The following EPS8L2 variants were observed in gnomAD, a reference collection of about 807,000 sequenced individuals.
EPS8L2 encodes EPS8 signaling adaptor L2, also known as epidermal growth factor receptor kinase substrate 8-like protein 2.
Under a neutral mutation model 99.4 loss-of-function variants are expected in EPS8L2, and 81 were observed. That is an observed-to-expected ratio of 0.82 (90% CI 0.68 to 0.98). The LOEUF is 0.98. EPS8L2 is among the 50% of genes least tolerant of loss of function. EPS8L2 has a pLI of 0.00. For missense variants in EPS8L2, 1,155 were observed against 968.8 expected (o/e 1.19, Z -2.55); for synonymous variants, 509 against 407.3 (o/e 1.25, Z -3.01).
At chr11:723,642 G>T (rs1225247056) in intron 15 of EPS8L2, among the ~76,000 whole-genome samples, 1 of 152,290 alleles carries the variant, frequency 6.6e-6, no homozygotes, top group African/African-American at 2.4e-5. Flanking sequence ...CACTGAACTT[G>T]AGTGGTTTCA....
chr11:725,778 G>C lies in EPS8L2; in HGVS notation c.1611G>C (p.Gln537His). The change falls in exon 17 of 21, where the codon CAG becomes CAC. Residue 537 changes from glutamine to histidine, a missense_variant. Transcript: ENST00000318562. ...GGAAGCTGCGCAGCCGCAGCGGCCA[G>C]GCGGGGTACGTGCCCTGCAACATCC... Reference protein sequence around the residue: ...QWWKLRSRSGQAGYVPCNILG... With the variant: ...QWWKLRSRSGHAGYVPCNILG... 1 of 1,363,770 alleles carries C rather than the reference G, an allele frequency of 7.3e-7. No homozygotes were observed. The highest frequency in any genetic ancestry group is 2.0e-5 in the South Asian group (1 of 50,472). 84.5% of individuals were successfully genotyped at this position (1,363,770 alleles called of 1,614,324 possible).
At chr11:717,489 G>A (rs950966190) in intron 4 of EPS8L2, among the ~76,000 whole-genome samples, 1 of 152,212 alleles carries the variant, frequency 6.6e-6, no homozygotes, top group African/African-American at 2.4e-5. Flanking sequence ...CAGAGAGGCT[G>A]GGCAGGTGCT....
At chr11:720,449 T>A in intron 5 of EPS8L2, 148 bp from the exon 6 acceptor site, 2 of 1,302,094 alleles carry the variant, frequency 1.5e-6, no homozygotes, top group South Asian at 2.7e-5. Context: ...CTGCGGGGTG[T>A]GTCCCGGGCC....
intron 1 of EPS8L2, chr11:706,563 G>A (rs1298529923): frequency 6.5e-6 from 1 of 152,686 alleles, no homozygotes; most frequent in Non-Finnish European, 1.5e-5. Flanking sequence ...CCAGCGATGG[G>A]TGACTCACCT....
At chr11:720,807 C>T (rs1012510123) in intron 6 of EPS8L2, 23 bp from the exon 7 acceptor site, 6 of 1,543,286 alleles carry the variant, frequency 3.9e-6, no homozygotes, top group Non-Finnish European at 4.4e-6. Context: ...GCCCTCCTGG[C>T]CGCCTGACGC....
chr11:725,701 G>A (rs1423190228), intron 16 of EPS8L2, 27 bp from the exon 17 acceptor site: 5 of 1,313,278 alleles, frequency 3.8e-6, no homozygotes, highest in Admixed American at 4.1e-5. Context: ...CCTGGGTGTG[G>A]GGAGGGGCTG....
intron 3 of EPS8L2, 41 bp from the exon 4 acceptor site, chr11:710,381 G>C: frequency 6.3e-7 from 1 of 1,597,186 alleles, no homozygotes. Flanking sequence ...GAGGCTGTGG[G>C]TCCTGCCCGT....
chr11:721,133 C>T lies in EPS8L2; in HGVS notation c.627C>T (p.Pro209=), dbSNP rs1163281805. The T allele has an allele frequency of 6.5e-7, 1 of 1,536,588 alleles. No individual in the cohort carries two copies. The highest frequency in any genetic ancestry group is 8.7e-7 in the Non-Finnish European group (1 of 1,143,804). ...CTCCCCAGGGCCCGGCGCCCATCCC[C>T]TTCCAGCACCGCGGCGGGGATTCCC... ...LPPPQGPAPI[P]FQHRGGDSPE... is the part of the protein sequence containing the mutation. The change falls in exon 8 of 21, where the codon CCC becomes CCT. Residue 209 remains proline (P), a synonymous_variant. Coordinates refer to ENST00000318562, the MANE Select transcript of EPS8L2 (RefSeq NM_022772.4).
At chr11:725,019 C>G (rs934767179) in intron 16 of EPS8L2, among the ~76,000 whole-genome samples, 190 bp downstream of exon 16, 1 of 152,226 alleles carries the variant, frequency 6.6e-6, no homozygotes, top group Non-Finnish European at 1.5e-5. Flanking sequence ...GTTGGAGGGG[C>G]CTTCCCATCT....
chr11:726,598 C>A, intron 19 of EPS8L2, 21 bp from the exon 20 acceptor site: 1 of 1,539,990 alleles, frequency 6.5e-7, no homozygotes, highest in Non-Finnish European at 8.8e-7. Context: ...GCGGCCCTGA[C>A]GCCCAACTGC....
chr11:715,164 C>T (rs887320191), intron 4 of EPS8L2, among the ~76,000 whole-genome samples: 22 of 152,050 alleles, frequency 1.4e-4, no homozygotes, highest in Non-Finnish European at 2.8e-4. Flanking sequence ...ATGGCGTGAA[C>T]CCCGGAGGCG....
intron 9 of EPS8L2, 77 bp from the exon 10 acceptor site, chr11:721,488 T>C: frequency 2.7e-6 from 4 of 1,509,044 alleles, no homozygotes; most frequent in Non-Finnish European, 2.7e-6. Context: ...CCTCCCATCA[T>C]CTGTGGGGCT....
chr11:723,369 A>T lies in EPS8L2; in HGVS notation c.1454+16A>T, dbSNP rs936211465. 4 of 1,179,084 alleles carry T rather than the reference A, an allele frequency of 3.4e-6. No homozygotes were observed. Among genetic ancestry groups the T allele is most frequent in the South Asian group, 1.5e-5 (1 of 68,706 alleles). The allele number at this position is 1,179,084 out of a possible 1,614,324, so 73.0% of individuals were successfully genotyped here. ...ATACTCACAGGTAAGCCCCCCTCAA[A>T]GTGAGGGAGCATGAAAGTGAAACCC... On this transcript the variant is annotated intron_variant, in intron 15 of 20. Coordinates refer to ENST00000318562, the MANE Select transcript of EPS8L2 (RefSeq NM_022772.4).
At chr11:712,407 G>A (rs1035908942) in intron 4 of EPS8L2, among the ~76,000 whole-genome samples, 3 of 142,378 alleles carry the variant, frequency 2.1e-5, no homozygotes, top group Middle Eastern at 3.5e-3. Flanking sequence ...CTGGGCTCCC[G>A]GTTGTCGTCC....
In EPS8L2 at chr11:721,182, C is replaced by G. The variant is rs1409647705; in HGVS notation, c.676C>G (p.Pro226Ala). ...DSPEAKNRVGPQVPLSEPGFR... is the reference protein window; with the variant it reads ...DSPEAKNRVGAQVPLSEPGFR... ...CCCGGAGGCCAAGAATCGCGTGGGC[C>G]CGCAGGTGCCACTCAGCGAGCCAGG... Residue 226 changes from proline (P) to alanine (A), a missense_variant, in exon 8 of 21, where the codon CCG (proline) becomes GCG (alanine). Pro to Ala is a conservative substitution (Grantham distance 27). Coordinates refer to ENST00000318562, the MANE Select transcript of EPS8L2 (RefSeq NM_022772.4). The G allele has an allele frequency of 6.5e-7, 1 of 1,533,950 alleles. No individual in the cohort carries two copies. The highest frequency in any genetic ancestry group is 8.8e-7 in the Non-Finnish European group (1 of 1,142,692).
intron 4 of EPS8L2, among the ~76,000 whole-genome samples, chr11:711,790 C>A (rs1452958050): frequency 2.6e-5 from 4 of 152,046 alleles, no homozygotes; most frequent in African/African-American, 9.7e-5. Flanking sequence ...TTGAGACCAG[C>A]CTGACCAACA....
chr11:719,030 A>G (rs1862088761), intron 4 of EPS8L2, among the ~76,000 whole-genome samples: 2 of 145,004 alleles, frequency 1.4e-5, no homozygotes, highest in South Asian at 2.2e-4. Context: ...TAGTGGTGCA[A>G]TCTTGGCTCA....
Position 726,764 on chromosome 11 carries a change from G to C in EPS8L2, c.2067+13G>C, listed in dbSNP as rs201542674. ...GGCCTTCCTGGAGGTGAGCCCGCCTGCGCTCCGGCGCCACGCCCCTCCTGC... is the reference window on the plus strand; with the variant it reads ...GGCCTTCCTGGAGGTGAGCCCGCCTCCGCTCCGGCGCCACGCCCCTCCTGC... On this transcript the variant is annotated intron_variant, in intron 20 of 20. Transcript: ENST00000318562. 17 of 1,584,570 alleles carry C rather than the reference G, an allele frequency of 1.1e-5. No homozygotes were observed. Among genetic ancestry groups the C allele is most frequent in the Non-Finnish European group, 1.5e-5 (17 of 1,167,194 alleles).
At position 726,998 on chromosome 11, in the gene EPS8L2, C is replaced by G; in HGVS notation, c.*17C>G. 3.8e-6 allele frequency: 6 copies of G among 1,592,246 alleles called. No homozygotes were observed. The highest frequency in any genetic ancestry group is 5.2e-6 in the Non-Finnish European group (6 of 1,162,226). On this transcript the variant is annotated 3_prime_UTR_variant, in exon 21 of 21. Coordinates refer to ENST00000318562, the MANE Select transcript of EPS8L2 (RefSeq NM_022772.4). ...GACAGCTAGGCCCAGCTGCCTTGGG[C>G]TGGGGCCTGCGGAGGGGAAGCCCAC...
Sources: gnomAD v4.1 joint callset for allele counts (sites outside exome capture counted in the v4.1 genomes callset) on GRCh38, gnomAD v4.1.1 for gene constraint, MANE v1.5 for transcripts, NCBI Gene and HGNC (gene_info 2026-07-23, HGNC 2026-07-21) for gene names.